The following HIBCH variants were observed in gnomAD, a reference collection of about 807,000 sequenced individuals.
HIBCH encodes 3-hydroxyisobutyryl-CoA hydrolase, mitochondrial.
In HIBCH, 50 loss-of-function variants were observed where a neutral mutation model predicts 58.2. The ratio of observed to expected loss-of-function variants is 0.86; its 90% CI spans 0.68 to 1.09. The LOEUF (loss-of-function observed/expected upper bound fraction) is 1.09. HIBCH is among the 50% of genes least tolerant of loss of function. The probability of loss-of-function intolerance (pLI) is 0.00; values close to 1 mark genes in which losing one functional copy is unlikely to be tolerated. For synonymous variants in HIBCH, 151 were observed against 146.9 expected (o/e 1.03, Z -0.20); for missense variants, 450 against 449.7 (o/e 1.00, Z -0.01).
chr2:190,269,270 A>T (rs962385242), intron 6 of HIBCH, among the ~76,000 whole-genome samples: 2 of 152,240 alleles, frequency 1.3e-5, no homozygotes, highest in African/African-American at 4.8e-5. Flanking sequence ...GCACAGCAAA[A>T]GAAACTGTCA....
At chr2:190,311,813 A>T (rs1156551085) in intron 1 of HIBCH, among the ~76,000 whole-genome samples, 1 of 152,214 alleles carries the variant, frequency 6.6e-6, no homozygotes, top group Non-Finnish European at 1.5e-5. Flanking sequence ...ACAAAAGGAG[A>T]GCAGGCTACA....
Position 190,287,569 on chromosome 2 carries a change from G to C in HIBCH, c.438+17C>G, listed in dbSNP as rs961089790. On this transcript the variant is annotated intron_variant, in intron 6 of 13. Coordinates refer to ENST00000359678, the MANE Select transcript of HIBCH (RefSeq NM_014362.4). Reference sequence around the variant, plus strand: ...ACAACTCACTCATACAATGATCAGAGTAAAAAGTCTACTTACCCCACCCAT... The same window carrying C: ...ACAACTCACTCATACAATGATCAGACTAAAAAGTCTACTTACCCCACCCAT... 6.5e-7 allele frequency: 1 copy of C among 1,543,678 alleles called. No individual in the cohort carries two copies. Among genetic ancestry groups the C allele is most frequent in the East Asian group, 2.2e-5 (1 of 44,468 alleles).
intron 1 of HIBCH, among the ~76,000 whole-genome samples, chr2:190,316,474 AAAG>A (rs760624151): frequency 3.3e-5 from 5 of 152,222 alleles, no homozygotes; most frequent in Admixed American, 6.5e-5. Flanking sequence ...TAGAGATTAA[AAAG>A]AAGAAAAACA....
In HIBCH at chr2:190,257,717, A is replaced by G. The variant is rs572579914; in HGVS notation, c.517+3439T>C. 8.5e-5 allele frequency among the ~76,000 whole-genome samples: 13 copies of G among 152,288 alleles called. No individual in the cohort carries two copies. In the East Asian group the frequency reaches 2.5e-3, roughly 29 times the overall value. ...TGGGAAGCCCAATATCATGGTGCCA[A>G]CATCACACGAGGGCCTTCTTGGTGC... On this transcript the variant is annotated intron_variant, in intron 7 of 13. Coordinates refer to ENST00000359678, the MANE Select transcript of HIBCH (RefSeq NM_014362.4).
chr2:190,194,344 T>TTTAAG (rs1028938873), intron 1 of HIBCH, among the ~76,000 whole-genome samples: 4 of 152,274 alleles, frequency 2.6e-5, no homozygotes, highest in African/African-American at 9.6e-5. Context: ...GTTTGTCAGT[T>TTTAAG]TTAAGTTGTG....
In HIBCH at chr2:190,213,177, A is replaced by C; in HGVS notation, c.892-102T>G. The C allele has an allele frequency of 8.9e-6, 9 of 1,007,446 alleles. No individual in the cohort carries two copies. The Middle Eastern group carries it at 7.2e-4, about 80-fold the overall frequency. The allele number at this position is 1,007,446 out of a possible 1,614,324, so 62.4% of individuals were successfully genotyped here. ...GTAAATAATATTAAAATATGCCAAA[A>C]TCTCATAAAAGATTATACCCTAGCT... On this transcript the variant is annotated intron_variant, in intron 11 of 13. Coordinates refer to ENST00000359678, the MANE Select transcript of HIBCH (RefSeq NM_014362.4).
chr2:190,298,858 T>C (rs753474048), intron 2 of HIBCH, among the ~76,000 whole-genome samples: 25 of 152,230 alleles, frequency 1.6e-4, no homozygotes, highest in Non-Finnish European at 2.6e-4. Flanking sequence ...AGTTTTCTTC[T>C]AGGGTTTTTA....
intron 6 of HIBCH, among the ~76,000 whole-genome samples, chr2:190,275,374 A>C (rs770450381): frequency 5.3e-5 from 8 of 152,212 alleles, no homozygotes; most frequent in South Asian, 2.1e-4. Context: ...GTTATATTCA[A>C]GGAATCTTCA....
intron 2 of HIBCH, among the ~76,000 whole-genome samples, chr2:190,307,931 T>A (rs1688456204): frequency 6.6e-6 from 1 of 152,152 alleles, no homozygotes; most frequent in Non-Finnish European, 1.5e-5. Context: ...CACAAAATAA[T>A]CCTGTCCACT....
chr2:190,230,976 G>T (rs957223519), intron 11 of HIBCH, among the ~76,000 whole-genome samples: 9 of 152,016 alleles, frequency 5.9e-5, no homozygotes, highest in African/African-American at 1.9e-4. Context: ...TGTAAAACAC[G>T]TATCACGAAA....
At chr2:190,238,071 T>C (rs566338314) in intron 11 of HIBCH, among the ~76,000 whole-genome samples, 11 of 152,326 alleles carry the variant, frequency 7.2e-5, no homozygotes, top group Middle Eastern at 3.4e-3. Context: ...CAGTCTCTCA[T>C]TGTCAGGCAT....
chr2:190,228,361 T>C (rs1234570024), intron 11 of HIBCH, among the ~76,000 whole-genome samples: 1 of 130,068 alleles, frequency 7.7e-6, no homozygotes, highest in African/African-American at 2.9e-5. Context: ...TGAGAACATT[T>C]GGACACAGAG....
chr2:190,311,507 T>C (rs1170687994), intron 1 of HIBCH, among the ~76,000 whole-genome samples: 3 of 152,194 alleles, frequency 2.0e-5, no homozygotes, highest in African/African-American at 7.2e-5. Context: ...TCTCAGACAC[T>C]AGAGAGAGGT....
intron 11 of HIBCH, among the ~76,000 whole-genome samples, chr2:190,229,761 A>G (rs1038006187): frequency 6.6e-6 from 1 of 152,206 alleles, no homozygotes; most frequent in Non-Finnish European, 1.5e-5. Context: ...AGCAGAAACA[A>G]TGTTTTCTAC....
intron 11 of HIBCH, among the ~76,000 whole-genome samples, chr2:190,228,495 A>T (rs1559021677): frequency 6.6e-6 from 1 of 152,050 alleles, no homozygotes; most frequent in Non-Finnish European, 1.5e-5. Context: ...GCACATATAC[A>T]AAAGTAACAA....
intron 7 of HIBCH, among the ~76,000 whole-genome samples, chr2:190,257,139 C>G (rs1686948299): frequency 6.6e-6 from 1 of 152,002 alleles, no homozygotes; most frequent in Admixed American, 6.6e-5. Context: ...ACATCATAAT[C>G]AAATAGCTTG....
At chr2:190,208,668 ATTTTT>A in intron 13 of HIBCH, 1 of 462,872 alleles carries the variant, frequency 2.2e-6, no homozygotes, top group South Asian at 2.4e-5. Context: ...TTCAGGTTTG[ATTTTT>A]TTTTTTTTTT....
chr2:190,221,615 T>A (rs34760043), intron 11 of HIBCH, among the ~76,000 whole-genome samples: 1 of 151,944 alleles, frequency 6.6e-6, no homozygotes, highest in East Asian at 1.9e-4. Context: ...GAAACCACGG[T>A]CCAAAGTGAG....
At position 190,252,212 on chromosome 2, in the gene HIBCH, T is replaced by C; in HGVS notation, c.613A>G (p.Arg205Gly). 6.2e-7 allele frequency: 1 copy of C among 1,613,890 alleles called. No individual in the cohort carries two copies. Among genetic ancestry groups the C allele is most frequent in the Non-Finnish European group, 8.5e-7 (1 of 1,179,762 alleles). The change falls in exon 8 of 14, where the codon AGA becomes GGA. Residue 205 changes from arginine to glycine, a missense_variant. Physicochemically the swap from Arg to Gly is moderately radical, Grantham distance 125. Transcript: ENST00000359678. ...LALTGFRLKG[R>G]DVYRAGIATH... ...GCAATTCCTGCTCTGTACACATCTC[T>C]TCCTTTTAGTCTGAATCCTGTTAAT...
Sources: allele counts gnomAD v4.1 joint callset (sites outside exome capture counted in the v4.1 genomes callset), GRCh38; gene constraint gnomAD v4.1.1; transcripts MANE v1.5; gene names NCBI Gene and HGNC (gene_info 2026-07-23, HGNC 2026-07-21).